TBC1D5: variants seen among roughly 807,000 people sequenced by gnomAD.
TBC1D5 encodes the protein TBC1 domain family, member 5.
In TBC1D5, 75 loss-of-function variants were observed where a neutral mutation model predicts 100.3. That is an observed-to-expected ratio of 0.75 (90% CI 0.62 to 0.91). The LOEUF (loss-of-function observed/expected upper bound fraction) is 0.91. Ranked by LOEUF, TBC1D5 falls within the 40% of genes least tolerant of loss-of-function variation. The pLI, the probability that TBC1D5 is intolerant of heterozygous loss-of-function variation, is 0.00. For missense variants in TBC1D5, 910 were observed against 942.4 expected, an observed-to-expected ratio of 0.97 and a Z score of 0.45; for synonymous variants, 323 against 325.6, an observed-to-expected ratio of 0.99 and a Z score of 0.09.
intron 1 of TBC1D5, among the ~76,000 whole-genome samples, chr3:17,707,832 G>A (rs1012370283): frequency 6.6e-6 from 1 of 152,056 alleles, no homozygotes; most frequent in Non-Finnish European, 1.5e-5. Context: ...CAAAAAAAAT[G>A]CAACATGCTG....
intron 1 of TBC1D5, among the ~76,000 whole-genome samples, chr3:17,692,226 G>T (rs776963746): frequency 1.3e-5 from 2 of 152,024 alleles, no homozygotes; most frequent in Admixed American, 6.5e-5. Flanking sequence ...CAAGACGGTG[G>T]GTTTACAAGC....
At chr3:17,404,171 CA>C (rs2093711740) in intron 7 of TBC1D5, among the ~76,000 whole-genome samples, 1 of 151,934 alleles carries the variant, frequency 6.6e-6, no homozygotes, top group South Asian at 2.1e-4. Flanking sequence ...GGTAAATAGG[CA>C]AAAATTAGAG....
chr3:17,695,871 A>G (rs2071976820), intron 1 of TBC1D5, among the ~76,000 whole-genome samples: 1 of 152,236 alleles, frequency 6.6e-6, no homozygotes. Flanking sequence ...CAGCAAATGT[A>G]AAAGAACATA....
At chr3:17,263,718 G>C (rs1477915806) in intron 15 of TBC1D5, among the ~76,000 whole-genome samples, 1 of 152,184 alleles carries the variant, frequency 6.6e-6, no homozygotes. Flanking sequence ...TACAGAAGCA[G>C]AACTGACAGT....
At chr3:17,211,835 G>A (rs2073028141) in intron 18 of TBC1D5, among the ~76,000 whole-genome samples, 1 of 152,186 alleles carries the variant, frequency 6.6e-6, no homozygotes, top group African/African-American at 2.4e-5. Flanking sequence ...TGCACTAAAG[G>A]TGCCAGGTTT....
intron 13 of TBC1D5, among the ~76,000 whole-genome samples, chr3:17,315,114 C>T (rs990570997): frequency 1.3e-5 from 2 of 152,216 alleles, no homozygotes; most frequent in African/African-American, 4.8e-5. Flanking sequence ...TCTGGTTTCT[C>T]TCCGCATCTT....
rs868399552 is a variant in TBC1D5 at position 17,726,073 on chromosome 3, T to C, written c.-101+13270A>G. ...ATTCTTTTTTATGGCTGCATGGTAT[T>C]CCATGGTGTGTATGTACCACATTTT... On this transcript the variant is annotated intron_variant, in intron 1 of 21. Coordinates refer to ENST00000253692, the Ensembl canonical transcript of TBC1D5. 2.6e-5 allele frequency among the ~76,000 whole-genome samples: 4 copies of C among 152,370 alleles called. 1 individual carries two copies. Among genetic ancestry groups the C allele is most frequent in the Middle Eastern group, 6.8e-3 (2 of 294 alleles).
intron 4 of TBC1D5, among the ~76,000 whole-genome samples, chr3:17,414,347 A>G (rs984819631): frequency 6.6e-6 from 1 of 152,216 alleles, no homozygotes; most frequent in African/African-American, 2.4e-5. Context: ...CATATTTAGT[A>G]TGATCCATTT....
In TBC1D5 at chr3:17,280,405, T is replaced by C. The variant is rs534231900; in HGVS notation, c.1245+11490A>G. On this transcript the variant is annotated intron_variant, in intron 15 of 21. Coordinates refer to ENST00000253692, the Ensembl canonical transcript of TBC1D5. ...ACATCCCTGTTTTCCCGCTGGAAAG[T>C]TGCCTTTTCCAAAACCACCCACGGC... Among the ~76,000 whole-genome samples, 33 of 152,158 alleles carry C rather than the reference T, an allele frequency of 2.2e-4. 1 individual carries two copies. The highest frequency in any genetic ancestry group is 6.8e-3 in the Middle Eastern group (2 of 294).
intron 13 of TBC1D5, among the ~76,000 whole-genome samples, chr3:17,311,810 G>C (rs2084063883): frequency 6.6e-6 from 1 of 152,032 alleles, no homozygotes; most frequent in African/African-American, 2.4e-5. Context: ...AGGGCATCTT[G>C]AGTAACCTGT....
chr3:17,428,475 A>G, exon 4 of TBC1D5: 2 of 1,491,302 alleles, frequency 1.3e-6, no homozygotes, highest in Non-Finnish European at 1.8e-6. Context: ...GTCCCTTCAG[A>G]GTCTAAAGTA....
At chr3:17,360,027 T>A (rs562184320) in intron 13 of TBC1D5, among the ~76,000 whole-genome samples, 69 of 152,136 alleles carry the variant, frequency 4.5e-4, no homozygotes, top group African/African-American at 1.6e-3. Context: ...CCTATAGTTT[T>A]GATTGGAGGG....
At chr3:17,396,251 C>T (rs940892584) in intron 8 of TBC1D5, among the ~76,000 whole-genome samples, 2 of 151,970 alleles carry the variant, frequency 1.3e-5, no homozygotes, top group South Asian at 2.1e-4. Flanking sequence ...CAGTCCACCT[C>T]GAGGAGACTG....
intron 2 of TBC1D5, among the ~76,000 whole-genome samples, chr3:17,554,973 C>T (rs1247376189): frequency 6.6e-6 from 1 of 152,052 alleles, no homozygotes; most frequent in Admixed American, 6.5e-5. Flanking sequence ...CCTCAGCCTC[C>T]CAAGTAGCTG....
chr3:17,350,186 C>G (rs1032624793), intron 13 of TBC1D5, among the ~76,000 whole-genome samples: 1 of 151,794 alleles, frequency 6.6e-6, no homozygotes, highest in African/African-American at 2.4e-5. Flanking sequence ...TGGTGGTCAT[C>G]AGCACCCATT....
intron 18 of TBC1D5, among the ~76,000 whole-genome samples, chr3:17,197,537 C>A (rs1406480517): frequency 1.3e-5 from 2 of 152,054 alleles, no homozygotes; most frequent in Admixed American, 1.3e-4. Flanking sequence ...CCACCAAGCC[C>A]AGCTAATTTT....
At chr3:17,623,152 C>T (rs192865285) in intron 2 of TBC1D5, among the ~76,000 whole-genome samples, 2 of 152,224 alleles carry the variant, frequency 1.3e-5, no homozygotes, top group Admixed American at 1.3e-4. Flanking sequence ...GGCAGTGCTT[C>T]TCAGAGTTTA....
rs200720060 is a variant in TBC1D5, at chr3:17,404,685, G to A, written c.441+9C>T. ...AAGAGGTTAAGACATGAACAAAGACGAACTTTACCCCTTCATCCTGTGAAA... is the reference window on the plus strand; with the variant it reads ...AAGAGGTTAAGACATGAACAAAGACAAACTTTACCCCTTCATCCTGTGAAA... On this transcript the variant is annotated intron_variant, in intron 7 of 21. Coordinates refer to ENST00000253692, the Ensembl canonical transcript of TBC1D5. 5.7e-6 allele frequency: 9 copies of A among 1,589,146 alleles called. No homozygotes were observed. The highest frequency in any genetic ancestry group is 5.5e-5 in the Admixed American group (3 of 54,392).
At chr3:17,161,337 G>GA in intron 21 of TBC1D5, 81 bp from the exon 23 acceptor site, 1 of 1,470,856 alleles carries the variant, frequency 6.8e-7, no homozygotes, top group Non-Finnish European at 9.1e-7. Flanking sequence ...TGAACTGGGG[G>GA]ACTCGTGGTG....
Sources: allele counts gnomAD v4.1 joint callset (sites outside exome capture counted in the v4.1 genomes callset), GRCh38; gene constraint gnomAD v4.1.1; transcripts MANE v1.5; gene names NCBI Gene and HGNC (gene_info 2026-07-23, HGNC 2026-07-21).